Variants in KCP observed in about 807,000 individuals in gnomAD.
KCP encodes the protein kielin cysteine rich BMP regulator.
In KCP, 194 loss-of-function variants were observed where a neutral mutation model predicts 212.7. The observed-to-expected ratio is 0.91, with a 90% CI of 0.81 to 1.03. KCP has a LOEUF of 1.03. Ranked by LOEUF, KCP falls within the 50% of genes least tolerant of loss-of-function variation. The pLI, the probability that KCP is intolerant of heterozygous loss-of-function variation, is 0.00. For missense variants in KCP, 2,080 were observed against 2,162.5 expected (o/e 0.96, Z 0.76); for synonymous variants, 833 against 865.3 (o/e 0.96, Z 0.65).
At position 128,880,616 on chromosome 7, in the gene KCP, C is replaced by T; in HGVS notation, c.3616+3G>A. ...CCCCTCCCCCATCACCCTGGCTGCG[C>T]ACCTTGGCATCGCTCACAGCAGCTG... On this transcript the variant is annotated splice_donor_region_variant and intron_variant, in intron 33 of 39. Transcript: ENST00000610776. The T allele has an allele frequency of 8.1e-7, 1 of 1,227,190 alleles. No homozygotes were observed. The highest frequency in any genetic ancestry group is 1.1e-6 in the Non-Finnish European group (1 of 936,722). The allele number at this position is 1,227,190 out of a possible 1,614,324, so 76.0% of individuals were successfully genotyped here. A position where few individuals can be genotyped will look rare whatever the true frequency, so the allele number is the denominator to read the frequency against.
intron 30 of KCP, 98 bp from the exon 31 acceptor site, chr7:128,881,823 A>G: frequency 7.2e-7 from 1 of 1,388,716 alleles, no homozygotes; most frequent in East Asian, 2.5e-5. Flanking sequence ...ACAAGTGGGC[A>G]AATGTCAGGG....
At chr7:128,885,778 A>G (rs1322634846) in intron 26 of KCP, among the ~76,000 whole-genome samples, 1 of 152,080 alleles carries the variant, frequency 6.6e-6, no homozygotes, top group Non-Finnish European at 1.5e-5. Context: ...ACGAGGGGGC[A>G]GTGGGCAGGC....
chr7:128,891,815 G>A lies in KCP; in HGVS notation c.1626C>T (p.Cys542=). The change falls in exon 17 of 40, where the codon TGC becomes TGT. Residue 542 remains cysteine (C), a synonymous_variant. Coordinates refer to ENST00000610776, the MANE Select transcript of KCP (RefSeq NM_001366122.1). ...CCACAAACACCTCTTCCTCCAGGAT[G>A]CAGTCTGGGCAGTGGATGGTGGGGG... ...PGQCCPRCPD[C]ILEEEVFVDG... 6.9e-7 allele frequency: 1 copy of A among 1,444,760 alleles called. No individual in the cohort carries two copies. Among genetic ancestry groups the A allele is most frequent in the Non-Finnish European group, 9.1e-7 (1 of 1,096,502 alleles). The allele number at this position is 1,444,760 out of a possible 1,614,324, so 89.5% of individuals were successfully genotyped here.
At chr7:128,898,604 G>A (rs1794663566) in intron 8 of KCP, among the ~76,000 whole-genome samples, 3 of 152,220 alleles carry the variant, frequency 2.0e-5, no homozygotes, top group Non-Finnish European at 4.4e-5. Flanking sequence ...TACTGAAAAA[G>A]CAGTTCTACA....
intron 34 of KCP, 146 bp from the exon 35 acceptor site, chr7:128,880,231 C>A (rs933417487): frequency 2.3e-6 from 3 of 1,280,058 alleles, no homozygotes; most frequent in Non-Finnish European, 2.1e-6. Flanking sequence ...GAGGTCAGGG[C>A]ACCACATCGT....
In KCP at chr7:128,877,194, G is replaced by A; in HGVS notation, c.4736C>T (p.Pro1579Leu). The change falls in exon 40 of 40, where the codon CCC becomes CTC. Residue 1579 changes from proline to leucine, a missense_variant. Physicochemically the swap from Pro to Leu is moderately conservative, Grantham distance 98. Transcript: ENST00000610776. ...LGELAAHCVRPCVPGCQCPAG... is the reference protein window; with the variant it reads ...LGELAAHCVRLCVPGCQCPAG... ...AGGGCACTGGCAGCCGGGCACGCAG[G>A]GCCTCACGCAGTGGGCTGCCAGCTC... The A allele has an allele frequency of 6.7e-7, 1 of 1,483,028 alleles. No homozygotes were observed. The highest frequency in any genetic ancestry group is 1.4e-5 in the African/African-American group (1 of 70,248). The allele number at this position is 1,483,028 out of a possible 1,614,324, so 91.9% of individuals were successfully genotyped here. A position where few individuals can be genotyped will look rare whatever the true frequency, so the allele number is the denominator to read the frequency against.
rs547691895 is a variant in KCP, at chr7:128,892,374, CAG to C, written c.1621+138_1621+139del. 2.1e-4 allele frequency: 136 copies of C among 662,294 alleles called. 2 individuals carry two copies. The highest frequency in any genetic ancestry group is 8.5e-4 in the Middle Eastern group (2 of 2,348). 41.0% of individuals were successfully genotyped at this position (662,294 alleles called of 1,614,324 possible). ...CCTCCCACCCACACCCCGTGAGTTC[CAG>C]AGAGTTCTAAGCTCTGAAACAAGAC... On this transcript the variant is annotated intron_variant, in intron 16 of 39. Transcript: ENST00000610776.
At chr7:128,888,282 A>G (rs1173139543) in intron 22 of KCP, among the ~76,000 whole-genome samples, 1 of 144,602 alleles carries the variant, frequency 6.9e-6, no homozygotes, top group Non-Finnish European at 1.5e-5. Context: ...ATACACTGTC[A>G]CACACACAGA....
rs1003276203 is a variant in KCP, at chr7:128,892,956, T to G, written c.1333A>C (p.Thr445Pro). ...ACCCCATCTTGACAGACGCAGGCGG[T>G]GCAGGGCCGACCATCAGGCTCCCAC... ...VQWEPDGRPCTACVCQDGVPK... is the reference protein window; with the variant it reads ...VQWEPDGRPCPACVCQDGVPK... Residue 445 changes from threonine (T) to proline (P), a missense_variant, in exon 14 of 40, where the codon ACC becomes CCC. Coordinates refer to ENST00000610776, the MANE Select transcript of KCP (RefSeq NM_001366122.1). 1 of 1,332,250 alleles carries G rather than the reference T, an allele frequency of 7.5e-7. No individual in the cohort carries two copies. The highest frequency in any genetic ancestry group is 1.5e-5 in the African/African-American group (1 of 68,846). 82.5% of individuals were successfully genotyped at this position (1,332,250 alleles called of 1,614,324 possible).
At chr7:128,886,584 C>A in intron 25 of KCP, 27 bp from the exon 26 acceptor site, 2 of 1,550,920 alleles carry the variant, frequency 1.3e-6, no homozygotes, top group Non-Finnish European at 1.7e-6. Context: ...GACACTGGCT[C>A]GCTGCCTAGG....
At position 128,907,351 on chromosome 7, in the gene KCP, G is replaced by A. The variant is rs185981761; in HGVS notation, c.322C>T (p.Arg108Cys). Residue 108 changes from arginine (R) to cysteine (C), a missense_variant, in exon 3 of 40, where the codon CGC (arginine) becomes TGC (cysteine). Coordinates refer to ENST00000610776, the MANE Select transcript of KCP (RefSeq NM_001366122.1). The part of the protein sequence containing the change: ...GLGRAWPEGA[R>C]WEPDACTACV... ...GCTGTGCAGGCGTCAGGCTCCCAGC[G>A]TGCCCCCTCGGGCCAGGCACGCCCC... 1.4e-5 allele frequency: 21 copies of A among 1,543,178 alleles called. No individual in the cohort carries two copies. Among genetic ancestry groups the A allele is most frequent in the Middle Eastern group, 1.7e-4 (1 of 5,920 alleles).
At chr7:128,909,085 C>A (rs1322231737) in intron 1 of KCP, among the ~76,000 whole-genome samples, 1 of 152,184 alleles carries the variant, frequency 6.6e-6, no homozygotes, top group African/African-American at 2.4e-5. Context: ...ACAGCCTGTC[C>A]CTGCTTCTAG....
intron 5 of KCP, among the ~76,000 whole-genome samples, chr7:128,904,796 A>G (rs1409905044): frequency 6.6e-6 from 1 of 152,260 alleles, no homozygotes; most frequent in Admixed American, 6.5e-5. Flanking sequence ...GACAGACATC[A>G]GAGACTTTGA....
At chr7:128,904,606 C>T (rs1795032144) in intron 5 of KCP, among the ~76,000 whole-genome samples, 1 of 152,228 alleles carries the variant, frequency 6.6e-6, no homozygotes, top group Non-Finnish European at 1.5e-5. Flanking sequence ...GCAGTCTGCC[C>T]AGCAGCAGGG....
At chr7:128,908,251 G>GAAAGAGAAAGAAAGAAAGA (rs10565205) in intron 2 of KCP, among the ~76,000 whole-genome samples, 175 bp downstream of exon 2, 1 of 101,212 alleles carries the variant, frequency 9.9e-6, no homozygotes, top group Non-Finnish European at 2.0e-5. Flanking sequence ...AAGAAAGAAA[G>GAAAGAGAAAGAAAGAAAGA]AAGAAAGAAA....
intron 4 of KCP, among the ~76,000 whole-genome samples, chr7:128,906,576 T>A (rs1795129793): frequency 6.6e-6 from 1 of 151,828 alleles, no homozygotes; most frequent in Admixed American, 6.6e-5. Flanking sequence ...TAGGAAACCA[T>A]CTCTTCCAGG....
chr7:128,904,368 G>C, intron 5 of KCP: 3 of 1,551,284 alleles, frequency 1.9e-6, no homozygotes, highest in Non-Finnish European at 2.6e-6. Context: ...CCCTGGCACT[G>C]CACGGCTCCT....
At chr7:128,906,906 G>A (rs923902958) in intron 4 of KCP, among the ~76,000 whole-genome samples, 195 bp downstream of exon 4, 6 of 152,154 alleles carry the variant, frequency 3.9e-5, no homozygotes, top group Non-Finnish European at 7.4e-5. Flanking sequence ...TGAATTGAGT[G>A]GCTTGGGGAC....
At chr7:128,880,929 A>C (rs998591867) in intron 32 of KCP, 68 bp downstream of exon 32, 4 of 398,844 alleles carry the variant, frequency 1.0e-5, no homozygotes, top group Non-Finnish European at 1.8e-5. Context: ...CTGCTGGTGG[A>C]GTGTTGGACA....
Sources: allele counts gnomAD v4.1 joint callset (sites outside exome capture counted in the v4.1 genomes callset), GRCh38; gene constraint gnomAD v4.1.1; transcripts MANE v1.5; gene names NCBI Gene and HGNC (gene_info 2026-07-23, HGNC 2026-07-21).